Variants in DZIP3 observed in about 807,000 individuals in gnomAD.
The protein encoded by DZIP3 is DAZ interacting zinc finger protein 3, also known as E3 ubiquitin-protein ligase DZIP3.
A neutral mutation model predicts 162.0 loss-of-function variants in DZIP3; 118 were observed. The ratio of observed to expected loss-of-function variants is 0.73; its 90% CI spans 0.63 to 0.85. The LOEUF is 0.85. Among genes scored for constraint, DZIP3 ranks in the 40% least tolerant of loss-of-function variants. The pLI is 0.00. For missense variants in DZIP3, 1,331 were observed against 1,407.0 expected, an observed-to-expected ratio of 0.95 and a Z score of 0.86; for synonymous variants, 438 against 458.6, an observed-to-expected ratio of 0.96 and a Z score of 0.57.
chr3:108,681,165 A>C (rs1025495953), intron 26 of DZIP3, among the ~76,000 whole-genome samples: 3 of 152,146 alleles, frequency 2.0e-5, no homozygotes, highest in African/African-American at 7.2e-5. Context: ...ATAGGAGAAA[A>C]TTTTTGCAAT....
At chr3:108,643,849 T>C (rs1398054159) in intron 13 of DZIP3, among the ~76,000 whole-genome samples, 1 of 152,146 alleles carries the variant, frequency 6.6e-6, no homozygotes, top group African/African-American at 2.4e-5. Flanking sequence ...TCAGAATTTT[T>C]AAAGACCTAA....
intron 5 of DZIP3, among the ~76,000 whole-genome samples, chr3:108,623,398 G>C (rs974564846): frequency 4.8e-4 from 73 of 152,270 alleles, no homozygotes; most frequent in African/African-American, 1.7e-3. Flanking sequence ...AACCCCGCCA[G>C]GACTGGGTTC....
At chr3:108,609,682 A>T (rs1182805009) in intron 3 of DZIP3, among the ~76,000 whole-genome samples, 2 of 152,160 alleles carry the variant, frequency 1.3e-5, no homozygotes, top group African/African-American at 4.8e-5. Flanking sequence ...CTCTGCTAAA[A>T]ATACCAAAAT....
Position 108,675,820 on chromosome 3 carries a change from G to T in DZIP3, c.2728G>T (p.Asp910Tyr), listed in dbSNP as rs771709269. ...ATCACTTCAATTAAAGGCTGCGGTA[G>T]ACAGTTGGAATGCCATTGTGGCAGA... is the stretch of plus-strand genomic sequence containing the variant. ...LESLQLKAAV[D>Y]SWNAIVADVR... The change falls in exon 25 of 33, where the codon GAC becomes TAC. Residue 910 changes from aspartate to tyrosine, a missense_variant. Around this residue, in one of 2 missense-constraint regions of DZIP3, gnomAD observed 1,278 missense variants for 1,317.1 expected, o/e 0.97. Transcript: ENST00000361582. 50 of 1,610,170 alleles carry T rather than the reference G, an allele frequency of 3.1e-5. No homozygotes were observed. The highest frequency in any genetic ancestry group is 4.0e-5 in the Non-Finnish European group (47 of 1,178,018).
At chr3:108,612,139 T>C (rs940208592) in intron 4 of DZIP3, among the ~76,000 whole-genome samples, 1 of 152,166 alleles carries the variant, frequency 6.6e-6, no homozygotes, top group African/African-American at 2.4e-5. Context: ...TACCATTTCT[T>C]AATGGAGTTT....
At chr3:108,666,348 A>C (rs1943674937) in intron 21 of DZIP3, among the ~76,000 whole-genome samples, 1 of 152,198 alleles carries the variant, frequency 6.6e-6, no homozygotes, top group Non-Finnish European at 1.5e-5. Flanking sequence ...ATCAATCCAC[A>C]AGAACCTCAA....
intron 1 of DZIP3, among the ~76,000 whole-genome samples, chr3:108,593,252 C>T (rs1939525407): frequency 6.6e-6 from 1 of 152,186 alleles, no homozygotes. Context: ...ACTTACCTAT[C>T]TAATCTTTAT....
At chr3:108,591,978 CAAAAAA>C (rs34569028) in intron 1 of DZIP3, among the ~76,000 whole-genome samples, 1 of 110,384 alleles carries the variant, frequency 9.1e-6, no homozygotes, top group African/African-American at 3.2e-5. Flanking sequence ...GAGACCCTGT[CAAAAAA>C]AAAAAAAAAA....
intron 5 of DZIP3, among the ~76,000 whole-genome samples, chr3:108,618,010 C>G (rs992949190): frequency 1.3e-5 from 2 of 152,196 alleles, no homozygotes; most frequent in African/African-American, 4.8e-5. Context: ...ATTGCTGTAT[C>G]TAAATTACTC....
chr3:108,628,974 CA>C (rs1424816539), intron 7 of DZIP3, 87 bp from the exon 8 acceptor site: 40 of 780,170 alleles, frequency 5.1e-5, no homozygotes, highest in East Asian at 1.1e-4. Flanking sequence ...CTATTTACCA[CA>C]AAAAAAGGGT....
intron 22 of DZIP3, among the ~76,000 whole-genome samples, chr3:108,670,165 T>G (rs769799934): frequency 6.6e-6 from 1 of 151,980 alleles, no homozygotes; most frequent in Non-Finnish European, 1.5e-5. Context: ...TCATACAGCA[T>G]AAAATTATCT....
intron 1 of DZIP3, among the ~76,000 whole-genome samples, chr3:108,593,479 A>G (rs574284530): frequency 6.6e-6 from 1 of 152,212 alleles, no homozygotes; most frequent in African/African-American, 2.4e-5. Context: ...CTTTATTCTC[A>G]CATCAAATTT....
rs539444905 is a variant in DZIP3 at position 108,688,438 on chromosome 3, A to G, written c.3271-155A>G. Among the ~76,000 whole-genome samples, 17 of 152,308 alleles carry G rather than the reference A, an allele frequency of 1.1e-4. No individual in the cohort carries two copies. The South Asian group carries it at 3.5e-3, about 32-fold the overall frequency. On this transcript the variant is annotated intron_variant, in intron 29 of 32. Coordinates refer to ENST00000361582, the MANE Select transcript of DZIP3 (RefSeq NM_014648.4). ...TTTTTGTTTTTACCTAGCTCTGAGT[A>G]TATAAGTATTGCCACCATTTTGTTC...
chr3:108,675,874 G>T lies in DZIP3; in HGVS notation c.2781+1G>T. 1 of 1,608,274 alleles carries T rather than the reference G, an allele frequency of 6.2e-7. No homozygotes were observed. Among genetic ancestry groups the T allele is most frequent in the Non-Finnish European group, 8.5e-7 (1 of 1,176,930 alleles). On this transcript the variant is annotated splice_donor_variant, in intron 25 of 32. Coordinates refer to ENST00000361582, the MANE Select transcript of DZIP3 (RefSeq NM_014648.4). LOFTEE classifies it high-confidence loss of function. ...TAGAAACAAGATTGCATTCCTCAGG[G>T]TAAGTCCTGAAGTATATTTGGAGAA...
Position 108,596,406 on chromosome 3 carries a change from T to C in DZIP3, c.-73+6567T>C, listed in dbSNP as rs190847808. On this transcript the variant is annotated intron_variant, in intron 1 of 32. Transcript: ENST00000361582. ...AGAAATTGAAAGCCTTGAGACTAAA[T>C]GATATAGGACCAAGTATGGATAGAA... 2.0e-5 allele frequency among the ~76,000 whole-genome samples: 3 copies of C among 152,322 alleles called. No individual in the cohort carries two copies. The East Asian group carries it at 5.8e-4, about 29-fold the overall frequency.
intron 5 of DZIP3, among the ~76,000 whole-genome samples, chr3:108,620,245 T>G (rs1432600436): frequency 1.3e-5 from 2 of 152,196 alleles, no homozygotes; most frequent in Non-Finnish European, 2.9e-5. Context: ...GATCAATATT[T>G]TTATTGGGCG....
Position 108,693,009 on chromosome 3 carries a change from G to A in DZIP3, c.*7-351G>A, listed in dbSNP as rs1234455402. 3.3e-5 allele frequency among the ~76,000 whole-genome samples: 5 copies of A among 151,110 alleles called. No homozygotes were observed. In the East Asian group the frequency reaches 7.7e-4, roughly 23 times the overall value. ...ATCTGTCTTTTGTTATCTTGCTGGT[G>A]TGCCTGTCATGTGAGGGACTGCAAT... On this transcript the variant is annotated intron_variant, in intron 32 of 32. Coordinates refer to ENST00000361582, the MANE Select transcript of DZIP3 (RefSeq NM_014648.4).
chr3:108,611,060 G>T, intron 3 of DZIP3, 114 bp from the exon 4 acceptor site: 1 of 995,714 alleles, frequency 1.0e-6, no homozygotes, highest in Non-Finnish European at 1.5e-6. Context: ...TAGAAGCTAG[G>T]AGAACAAGGG....
chr3:108,687,591 TTAAAAA>T (rs1944542670), intron 28 of DZIP3, among the ~76,000 whole-genome samples: 1 of 152,144 alleles, frequency 6.6e-6, no homozygotes. Context: ...AGCAACATAG[TTAAAAA>T]TAAATATGTT....
Sources: gnomAD v4.1 joint callset for allele counts (sites outside exome capture counted in the v4.1 genomes callset) on GRCh38, gnomAD v4.1.1 for gene constraint, gnomAD v4.1.1 regional missense constraint, MANE v1.5 for transcripts, NCBI Gene and HGNC (gene_info 2026-07-23, HGNC 2026-07-21) for gene names.